The following PCDHGA4 variants were observed in gnomAD, a reference collection of about 807,000 sequenced individuals.
PCDHGA4 encodes the protein protocadherin gamma-A4.
Under a neutral mutation model 54.6 loss-of-function variants are expected in PCDHGA4, and 38 were observed. The observed-to-expected ratio is 0.70, with a 90% CI of 0.54 to 0.91. The LOEUF is 0.91. Ranked by LOEUF, PCDHGA4 falls within the 40% of genes least tolerant of loss-of-function variation. PCDHGA4 has a pLI of 0.00. For synonymous variants in PCDHGA4, 511 were observed against 512.9 expected, an observed-to-expected ratio of 1.00 and a Z score of 0.05; for missense variants, 1,298 against 1,220.9, an observed-to-expected ratio of 1.06 and a Z score of -0.94.
chr5:141,449,588 CAAAAAAAAAAA>C (rs768743917), intron 1 of PCDHGA4, among the ~76,000 whole-genome samples: 1 of 57,492 alleles, frequency 1.7e-5, no homozygotes, highest in Non-Finnish European at 3.7e-5. Flanking sequence ...GACTCTGTCT[CAAAAAAAAAAA>C]AAAAAAAAGT....
chr5:141,370,738 A>G, intron 1 of PCDHGA4: 2 of 1,613,902 alleles, frequency 1.2e-6, no homozygotes, highest in Non-Finnish European at 1.7e-6. Context: ...AAGCCTTTAA[A>G]CTTTTTTCAT....
intron 1 of PCDHGA4, chr5:141,366,278 G>T: frequency 1.2e-6 from 2 of 1,613,712 alleles, no homozygotes; most frequent in Non-Finnish European, 1.7e-6. Context: ...CGAAGACCAT[G>T]GCCAGCCCCC....
In PCDHGA4 at chr5:141,450,032, G is replaced by A. The variant is rs146567243; in HGVS notation, c.2515-44775G>A. Among the ~76,000 whole-genome samples the A allele has an allele frequency of 4.6e-3, 607 of 131,666 alleles. 4 individuals are homozygous for A. The highest frequency in any genetic ancestry group is 0.017 in the African/African-American group (550 of 33,158). The allele number at this position is 131,666 out of a possible 152,430, so 86.4% of individuals were successfully genotyped here. A position where few individuals can be genotyped will look rare whatever the true frequency, so the allele number is the denominator to read the frequency against. On this transcript the variant is annotated intron_variant, in intron 1 of 3. Transcript: ENST00000571252. ...TTTTTTTTTTTTTTTTTTGAGACAG[G>A]GTCTCACTCTTTCGCCCAGGCTGGA... is the stretch of plus-strand genomic sequence containing the variant.
intron 1 of PCDHGA4, chr5:141,413,569 G>A: frequency 1.2e-6 from 2 of 1,613,846 alleles, no homozygotes; most frequent in Non-Finnish European, 1.7e-6. Context: ...TGATATCAAT[G>A]ACAATGCTCC....
intron 1 of PCDHGA4, chr5:141,394,240 C>G (rs1392586422): frequency 6.2e-7 from 1 of 1,613,822 alleles, no homozygotes; most frequent in African/African-American, 1.3e-5. Flanking sequence ...TCCTTGACTG[C>G]ACACGACCCC....
chr5:141,423,603 C>G, intron 1 of PCDHGA4: 1 of 1,612,584 alleles, frequency 6.2e-7, no homozygotes. Flanking sequence ...GCGAGCCACT[C>G]TTGATAGCTG....
rs140916255 is a variant in PCDHGA4, at chr5:141,475,995, C to A, written c.2515-18812C>A. 2,057 of 1,172,604 alleles carry A rather than the reference C, an allele frequency of 1.8e-3. 30 individuals carry two copies. The African/African-American group carries it at 0.027, about 16-fold the overall frequency. 72.6% of individuals were successfully genotyped at this position (1,172,604 alleles called of 1,614,324 possible). ...ACTGAACAGCCGGCGAGCAAATCAA[C>A]GGCATCCAGAAAGCCATGTCGGACT... On this transcript the variant is annotated intron_variant, in intron 1 of 3. Coordinates refer to ENST00000571252, the MANE Select transcript of PCDHGA4 (RefSeq NM_018917.4).
chr5:141,492,043 TC>T (rs1323524482), intron 1 of PCDHGA4: 5 of 518,152 alleles, frequency 9.6e-6, no homozygotes, highest in Non-Finnish European at 1.7e-5. Context: ...CAGTCACAGA[TC>T]CACCCCTGCA....
In PCDHGA4 at chr5:141,485,507, G is replaced by A. The variant is rs766643911; in HGVS notation, c.2515-9300G>A. 6.8e-6 allele frequency: 11 copies of A among 1,614,174 alleles called. No homozygotes were observed. Among genetic ancestry groups the A allele is most frequent in the Non-Finnish European group, 8.5e-6 (10 of 1,180,036 alleles). ...CGTGCCCCTGGAGTTTGTCACCGAA[G>A]GTCCTTTGGAAATGTACCGAGCAGA... On this transcript the variant is annotated intron_variant, in intron 1 of 3. Transcript: ENST00000571252. The surrounding 1 kb of genome is among the most constrained non-coding windows in gnomAD (Gnocchi z 5.7).
At chr5:141,469,438 G>T (rs2099201339) in intron 1 of PCDHGA4, among the ~76,000 whole-genome samples, 1 of 152,112 alleles carries the variant, frequency 6.6e-6, no homozygotes, top group African/African-American at 2.4e-5. Flanking sequence ...AGCTGGGCGT[G>T]GTGGTGCACA....
Position 141,364,896 on chromosome 5 carries a change from A to G in PCDHGA4, c.2514+7275A>G, listed in dbSNP as rs1020955411. The G allele has an allele frequency of 9.3e-6, 15 of 1,613,896 alleles. No individual in the cohort carries two copies. In the African/African-American group the frequency reaches 1.7e-4, roughly 19 times the overall value. The stretch of plus-strand genomic sequence containing the variant: ...GATGTGGTAAGCGGAACTGATGGAC[A>G]AAAGTATCCGGAGCTGGTGTTGGAA... On this transcript the variant is annotated intron_variant, in intron 1 of 3. Coordinates refer to ENST00000571252, the MANE Select transcript of PCDHGA4 (RefSeq NM_018917.4).
intron 1 of PCDHGA4, chr5:141,442,400 C>G (rs1478739190): frequency 6.6e-6 from 1 of 152,224 alleles, no homozygotes; most frequent in Admixed American, 6.5e-5. Context: ...TCCTACGAAT[C>G]CAGGGCTGAG....
At chr5:141,396,813 T>A (rs1031435038) in intron 1 of PCDHGA4, among the ~76,000 whole-genome samples, 3 of 152,240 alleles carry the variant, frequency 2.0e-5, no homozygotes, top group Admixed American at 6.5e-5. Context: ...AGTGTTCTAC[T>A]GTATGGTGCA....
intron 1 of PCDHGA4, chr5:141,417,266 T>C (rs2096102700): frequency 6.6e-6 from 1 of 152,184 alleles, no homozygotes; most frequent in Non-Finnish European, 1.5e-5. Context: ...CATAGATAAT[T>C]ACTCTTAAAA....
At chr5:141,371,823 T>A in intron 1 of PCDHGA4, 2 of 1,613,832 alleles carry the variant, frequency 1.2e-6, no homozygotes, top group South Asian at 2.2e-5. Flanking sequence ...TGTCAGAGCC[T>A]CGGATCCCGA....
intron 1 of PCDHGA4, among the ~76,000 whole-genome samples, chr5:141,382,474 A>G (rs1436988724): frequency 6.6e-6 from 1 of 152,244 alleles, no homozygotes; most frequent in East Asian, 1.9e-4. Context: ...AAAATTATCT[A>G]AGATTATCAA....
intron 1 of PCDHGA4, chr5:141,416,504 C>G (rs966090979): frequency 1.3e-5 from 2 of 152,040 alleles, no homozygotes; most frequent in African/African-American, 4.8e-5. Flanking sequence ...AGATATATGA[C>G]AAAGCTATTT....
chr5:141,361,091 T>C (rs1409498105), intron 1 of PCDHGA4: 3 of 1,613,898 alleles, frequency 1.9e-6, no homozygotes, highest in Non-Finnish European at 2.5e-6. Flanking sequence ...ACTCTGAGTA[T>C]CGAAGCAAAA....
Position 141,485,411 on chromosome 5 carries a change from G to C in PCDHGA4, c.2515-9396G>C, listed in dbSNP as rs1412397411. On this transcript the variant is annotated intron_variant, in intron 1 of 3. Coordinates refer to ENST00000571252, the MANE Select transcript of PCDHGA4 (RefSeq NM_018917.4). This position sits in a 1 kb window ranked among gnomAD's most constrained non-coding sequence, Gnocchi z 5.7. The stretch of plus-strand genomic sequence containing the variant: ...CCAAAGACACTTCCGTGTGGATTTG[G>C]ACAGCGGAGCCCTGCTCATCAAGAA... The C allele has an allele frequency of 2.5e-6, 4 of 1,614,054 alleles. No homozygotes were observed. Among genetic ancestry groups the C allele is most frequent in the Non-Finnish European group, 3.4e-6 (4 of 1,180,044 alleles).
Sources: gnomAD v4.1 joint callset for allele counts (sites outside exome capture counted in the v4.1 genomes callset) on GRCh38, gnomAD v4.1.1 for gene constraint, Gnocchi (gnomAD v3.1) non-coding constraint, MANE v1.5 for transcripts, NCBI Gene and HGNC (gene_info 2026-07-23, HGNC 2026-07-21) for gene names.